Variants in SNF8 observed in about 807,000 individuals in gnomAD.
SNF8 encodes SNF8 subunit of ESCRT-II, also known as vacuolar-sorting protein SNF8.
Under a neutral mutation model 36.8 loss-of-function variants are expected in SNF8, and 19 were observed. That is an observed-to-expected ratio of 0.52 (90% CI 0.36 to 0.76). The LOEUF (loss-of-function observed/expected upper bound fraction) is 0.76. Ranked by LOEUF, SNF8 falls within the 30% of genes least tolerant of loss-of-function variation. The pLI, the probability that SNF8 is intolerant of heterozygous loss-of-function variation, is 0.00. For synonymous variants in SNF8, 127 were observed against 127.4 expected (o/e 1.00, Z 0.02); for missense variants, 268 against 322.9 (o/e 0.83, Z 1.30).
In SNF8 at chr17:48,931,734, T is replaced by C. The variant is rs749383393; in HGVS notation, c.565-17A>G. The C allele has an allele frequency of 1.9e-6, 3 of 1,608,464 alleles. No homozygotes were observed. In the East Asian group the frequency reaches 6.7e-5, roughly 36 times the overall value. On this transcript the variant is annotated splice_polypyrimidine_tract_variant and intron_variant, in intron 6 of 7. Transcript: ENST00000502492. ...GCCATTCTTCTGAAGGAAGGAGGAA[T>C]GGGGATTGAATCAGTTAAGAGTGCA...
At chr17:48,940,857 A>C in intron 3 of SNF8, 67 bp downstream of exon 3, 1 of 1,565,394 alleles carries the variant, frequency 6.4e-7, no homozygotes, top group Non-Finnish European at 8.7e-7. Context: ...TGGTAACAAC[A>C]ACTATGTGAG....
chr17:48,941,924 CAAA>C (rs2143818749), intron 2 of SNF8, among the ~76,000 whole-genome samples: 1 of 152,128 alleles, frequency 6.6e-6, no homozygotes, highest in East Asian at 1.9e-4. Context: ...TTCCTGACCT[CAAA>C]CAGTCCATCT....
chr17:48,937,622 CT>C (rs1338750880), intron 3 of SNF8, among the ~76,000 whole-genome samples: 2 of 57,640 alleles, frequency 3.5e-5, no homozygotes, highest in Non-Finnish European at 6.4e-5. Flanking sequence ...AAGAGCACAA[CT>C]CTCTCTCAAA....
chr17:48,937,796 C>G (rs998644418), intron 3 of SNF8, among the ~76,000 whole-genome samples: 1 of 150,928 alleles, frequency 6.6e-6, no homozygotes, highest in Non-Finnish European at 1.5e-5. Flanking sequence ...CGTGGTGGCG[C>G]GTGCCTGTAA....
intron 5 of SNF8, 44 bp from the exon 6 acceptor site, chr17:48,933,390 A>C: frequency 6.2e-7 from 1 of 1,609,950 alleles, no homozygotes. Context: ...GCAGAATCAG[A>C]CCTAACAACA....
chr17:48,932,680 G>T (rs890996337), intron 6 of SNF8: 4 of 152,468 alleles, frequency 2.6e-5, no homozygotes, highest in African/African-American at 9.6e-5. Context: ...TTGAACCCGG[G>T]AGGCTGACAT....
At chr17:48,938,829 C>T (rs993740647) in intron 3 of SNF8, among the ~76,000 whole-genome samples, 16 of 149,126 alleles carry the variant, frequency 1.1e-4, no homozygotes, top group Admixed American at 2.7e-4. Context: ...ACCAGGATCG[C>T]GCCATTGCAC....
rs1287211315 is a variant in SNF8, at chr17:48,936,171, G to C, written c.421C>G (p.Gln141Glu). The change falls in exon 5 of 8, where the codon CAA becomes GAA. Residue 141 changes from glutamine to glutamate, a missense_variant and splice_region_variant. Physicochemically the swap from Gln to Glu is conservative, Grantham distance 29. Coordinates refer to ENST00000502492, the MANE Select transcript of SNF8 (RefSeq NM_007241.4). ...AAGGGATTGGAAGACAAGACCTACT[G>C]ACTGACATCCTGGGCGAACTTGCCC... ...GRGKFAQDVSQDDLIRAIKKL... is the reference protein window; with the variant it reads ...GRGKFAQDVSEDDLIRAIKKL... 3 of 1,612,104 alleles carry C rather than the reference G, an allele frequency of 1.9e-6. No homozygotes were observed. Among genetic ancestry groups the C allele is most frequent in the Non-Finnish European group, 2.5e-6 (3 of 1,178,224 alleles).
At position 48,930,622 on chromosome 17, in the gene SNF8, A is replaced by G. The variant is rs902778783; in HGVS notation, c.640-10T>C. The G allele has an allele frequency of 1.5e-5, 24 of 1,612,492 alleles. No homozygotes were observed. The highest frequency in any genetic ancestry group is 2.0e-5 in the Non-Finnish European group (24 of 1,179,132). On this transcript the variant is annotated splice_polypyrimidine_tract_variant and intron_variant, in intron 7 of 7. Coordinates refer to ENST00000502492, the MANE Select transcript of SNF8 (RefSeq NM_007241.4). Reference sequence around the variant, plus strand: ...CCTTCAGCAGGTGTTCCTGGAGGGAAAAGGGAAGAAGAGCAGTTTGAGAAC... The same window carrying G: ...CCTTCAGCAGGTGTTCCTGGAGGGAGAAGGGAAGAAGAGCAGTTTGAGAAC...
intron 6 of SNF8, chr17:48,931,944 A>C (rs2040865908): frequency 5.0e-6 from 2 of 402,744 alleles, no homozygotes; most frequent in South Asian, 7.3e-5. Context: ...CCGGCCAGGC[A>C]CGGCAGCTCA....
chr17:48,939,048 G>A (rs1165967635), intron 3 of SNF8, among the ~76,000 whole-genome samples: 9 of 151,408 alleles, frequency 5.9e-5, no homozygotes, highest in Non-Finnish European at 2.9e-5. Context: ...CACGAGGTCA[G>A]GAGTTCAAGA....
Position 48,933,274 on chromosome 17 carries a change from G to A in SNF8, c.495C>T (p.Gly165=). ...GTGFGIIPVG[G]TYLIQSVPAE... is the part of the protein sequence containing the mutation. Reference sequence around the variant, plus strand: ...CTGGAACAGACTGAATGAGGTAAGTGCCGCCCACAGGGATGATGCCGAAGC... The same window carrying A: ...CTGGAACAGACTGAATGAGGTAAGTACCGCCCACAGGGATGATGCCGAAGC... The change falls in exon 6 of 8, where the codon GGC becomes GGT. Residue 165 remains glycine, a synonymous_variant. Coordinates refer to ENST00000502492, the MANE Select transcript of SNF8 (RefSeq NM_007241.4). 27 of 1,614,140 alleles carry A rather than the reference G, an allele frequency of 1.7e-5. No homozygotes were observed. The highest frequency in any genetic ancestry group is 2.3e-5 in the Non-Finnish European group (27 of 1,180,014).
At chr17:48,944,216 G>T in intron 1 of SNF8, 1 of 465,360 alleles carries the variant, frequency 2.1e-6, no homozygotes, top group Non-Finnish European at 4.0e-6. Context: ...GCAGGAGAAC[G>T]GCGTGAACCC....
In SNF8 at chr17:48,944,622, G is replaced by A. The variant is rs1203224321; in HGVS notation, c.54+59C>T. 6 of 1,563,250 alleles carry A rather than the reference G, an allele frequency of 3.8e-6. No homozygotes were observed. The Admixed American group carries it at 5.0e-5, about 13-fold the overall frequency. Reference sequence around the variant, plus strand: ...ATTAACGGGTAGGACACTGCTCCGGGACAATTCAGTCTCGCACGGGTCAGG... The same window carrying A: ...ATTAACGGGTAGGACACTGCTCCGGAACAATTCAGTCTCGCACGGGTCAGG... On this transcript the variant is annotated intron_variant, in intron 1 of 7. Transcript: ENST00000502492.
At chr17:48,933,548 C>G (rs2040891624) in intron 5 of SNF8, 1 of 585,208 alleles carries the variant, frequency 1.7e-6, no homozygotes, top group African/African-American at 1.9e-5. Context: ...TAGAGACCAG[C>G]CTGGGCAACA....
At chr17:48,939,939 G>A (rs1025469202) in intron 3 of SNF8, among the ~76,000 whole-genome samples, 1 of 151,638 alleles carries the variant, frequency 6.6e-6, no homozygotes, top group Admixed American at 6.6e-5. Context: ...GCCAGATTTG[G>A]TGGTGCAGGC....
At chr17:48,939,041 G>A (rs918271315) in intron 3 of SNF8, among the ~76,000 whole-genome samples, 1 of 151,452 alleles carries the variant, frequency 6.6e-6, no homozygotes, top group Non-Finnish European at 1.5e-5. Context: ...GGTGGATCAC[G>A]AGGTCAGGAG....
chr17:48,938,216 G>C (rs1019511268), intron 3 of SNF8, among the ~76,000 whole-genome samples: 2 of 152,172 alleles, frequency 1.3e-5, no homozygotes, highest in African/African-American at 4.8e-5. Context: ...AAAAATGCAG[G>C]TTGGGCGCAG....
chr17:48,943,286 A>G (rs921892696), intron 2 of SNF8, among the ~76,000 whole-genome samples: 3 of 149,694 alleles, frequency 2.0e-5, no homozygotes, highest in Non-Finnish European at 3.0e-5. Context: ...CCTGGTCAAT[A>G]TGGCGAAACC....
Sources: allele counts gnomAD v4.1 joint callset (sites outside exome capture counted in the v4.1 genomes callset), GRCh38; gene constraint gnomAD v4.1.1; transcripts MANE v1.5; gene names NCBI Gene and HGNC (gene_info 2026-07-23, HGNC 2026-07-21).